PTP4A2: variants seen among roughly 807,000 people sequenced by gnomAD.
PTP4A2 encodes protein tyrosine phosphatase 4A2.
A neutral mutation model predicts 22.9 loss-of-function variants in PTP4A2; 2 were observed. The observed-to-expected ratio is 0.09, with a 90% confidence interval of 0.04 to 0.27. PTP4A2 has a LOEUF of 0.27. Ranked by LOEUF, PTP4A2 falls within the 10% of genes least tolerant of loss-of-function variation. The pLI is 1.00. For missense variants in PTP4A2, 103 were observed against 205.1 expected (o/e 0.50, Z 3.04); for synonymous variants, 68 against 69.1 (o/e 0.98, Z 0.08).
chr1:31,909,809 A>T (rs1236185641), intron 5 of PTP4A2, among the ~76,000 whole-genome samples: 2 of 152,230 alleles, frequency 1.3e-5, no homozygotes, highest in African/African-American at 4.8e-5. Context: ...GATACTCAAA[A>T]CAATATACTG....
Position 31,919,312 on chromosome 1 carries a change from A to G in PTP4A2, c.-247T>C. 1 of 279,606 alleles carries G rather than the reference A, an allele frequency of 3.6e-6. No homozygotes were observed. Among genetic ancestry groups the G allele is most frequent in the South Asian group, 4.2e-5 (1 of 24,032 alleles). The allele number at this position is 279,606 out of a possible 1,614,324, so 17.3% of individuals were successfully genotyped here. ...TTTGGGCCTCAATTTCTGCAGATGG[A>G]TACCTTCGGACTCCAAAAAATCCAA... On this transcript the variant is annotated 5_prime_UTR_variant, in exon 2 of 6. Transcript: ENST00000647444.
At chr1:31,910,155 G>A (rs1474203145) in intron 4 of PTP4A2, 43 bp from the exon 5 acceptor site, 1 of 1,511,570 alleles carries the variant, frequency 6.6e-7, no homozygotes, top group South Asian at 1.1e-5. Flanking sequence ...AAGTCTTGGA[G>A]TGAAAGGATT....
chr1:31,923,475 C>CA (rs1279898025), intron 1 of PTP4A2, among the ~76,000 whole-genome samples: 2 of 151,340 alleles, frequency 1.3e-5, no homozygotes, highest in Non-Finnish European at 2.9e-5. Flanking sequence ...GCTGGGACTA[C>CA]AGGCGCCCGC....
intron 1 of PTP4A2, chr1:31,921,873 T>C (rs1652172754): frequency 6.6e-6 from 1 of 152,172 alleles, no homozygotes; most frequent in Non-Finnish European, 1.5e-5. Context: ...AATTGCATAC[T>C]TGTGATTATA....
chr1:31,913,481 A>T (rs1223367604), intron 3 of PTP4A2, among the ~76,000 whole-genome samples: 3 of 152,112 alleles, frequency 2.0e-5, no homozygotes, highest in Non-Finnish European at 4.4e-5. Context: ...TTCTTTAAGG[A>T]ATCTCCACGC....
intron 5 of PTP4A2, 30 bp downstream of exon 5, chr1:31,910,008 T>C (rs1342879727): frequency 6.5e-7 from 1 of 1,545,892 alleles, no homozygotes; most frequent in Non-Finnish European, 8.9e-7. Flanking sequence ...TTGCTTTCTG[T>C]GTTTCTGAAC....
At chr1:31,928,890 G>A (rs931251847) in intron 1 of PTP4A2, among the ~76,000 whole-genome samples, 2 of 151,986 alleles carry the variant, frequency 1.3e-5, no homozygotes, top group Non-Finnish European at 2.9e-5. Context: ...AAGATACATG[G>A]CCAGCCACTC....
chr1:31,909,081 C>CCATA, intron 5 of PTP4A2, 121 bp from the exon 6 acceptor site: 2 of 716,040 alleles, frequency 2.8e-6, no homozygotes, highest in Non-Finnish European at 4.8e-6. Flanking sequence ...AGCATATTTC[C>CCATA]CATACTACAA....
intron 1 of PTP4A2, among the ~76,000 whole-genome samples, chr1:31,937,415 G>T (rs1652983502): frequency 1.3e-5 from 2 of 151,590 alleles, no homozygotes; most frequent in South Asian, 2.1e-4. Flanking sequence ...GTTCACTATC[G>T]CCACACACAA....
intron 1 of PTP4A2, among the ~76,000 whole-genome samples, chr1:31,935,438 G>A (rs1652892532): frequency 6.6e-6 from 1 of 152,184 alleles, no homozygotes; most frequent in Admixed American, 6.5e-5. Context: ...TAGCTGCTAG[G>A]CCATCACGTT....
chr1:31,916,941 T>C (rs1297522298), intron 2 of PTP4A2, among the ~76,000 whole-genome samples: 1 of 152,220 alleles, frequency 6.6e-6, no homozygotes, highest in Non-Finnish European at 1.5e-5. Flanking sequence ...CATGCTTTTT[T>C]TAAAGAAATA....
chr1:31,909,636 C>T (rs1651427226), intron 5 of PTP4A2, among the ~76,000 whole-genome samples: 1 of 151,190 alleles, frequency 6.6e-6, no homozygotes, highest in Non-Finnish European at 1.5e-5. Context: ...TGAGCCACTG[C>T]ACTCCAGCTT....
Position 31,919,124 on chromosome 1 carries a change from AAATC to A in PTP4A2, c.-63_-60del. 1 of 826,162 alleles carries A rather than the reference AAATC, an allele frequency of 1.2e-6. No individual in the cohort carries two copies. The highest frequency in any genetic ancestry group is 2.0e-6 in the Non-Finnish European group (1 of 492,492). The allele number at this position is 826,162 out of a possible 1,614,324, so 51.2% of individuals were successfully genotyped here. ...GTGTGATGGGGAAAGTGAAAAAAAA[AAATC>A]AATAAATCTTGAAATGTTTCACAGC... On this transcript the variant is annotated 5_prime_UTR_variant, in exon 2 of 6. It removes the in-frame stop codon of an upstream open reading frame in the 5' UTR. Transcript: ENST00000647444.
chr1:31,921,177 T>A (rs1652137178), intron 1 of PTP4A2, among the ~76,000 whole-genome samples: 1 of 152,208 alleles, frequency 6.6e-6, no homozygotes, highest in Admixed American at 6.5e-5. Context: ...CATTTCCCCT[T>A]TTCCTCACAA....
chr1:31,937,383 C>T (rs750809716), intron 1 of PTP4A2, among the ~76,000 whole-genome samples: 1 of 152,008 alleles, frequency 6.6e-6, no homozygotes, highest in Non-Finnish European at 1.5e-5. Flanking sequence ...CCGGAAAGAA[C>T]TCCCCAACCC....
chr1:31,926,135 T>TAA (rs138462840), intron 1 of PTP4A2, among the ~76,000 whole-genome samples: 1,663 of 120,536 alleles, frequency 0.014, 47 homozygotes, highest in African/African-American at 0.046. Context: ...TTCAAAAAAT[T>TAA]AAAAAAAAAA....
At position 31,908,903 on chromosome 1, in the gene PTP4A2, A is replaced by T; in HGVS notation, c.453T>A (p.Pro151=). 6.2e-7 allele frequency: 1 copy of T among 1,614,104 alleles called. No individual in the cohort carries two copies. The highest frequency in any genetic ancestry group is 8.5e-7 in the Non-Finnish European group (1 of 1,179,994). ...KQLLYLEKYR[P]KMRLRFRDTN... is the part of the protein sequence containing the mutation. ...TATCTCTGAAGCGTAATCGCATCTT[A>T]GGTCGGTATTTCTCCAAATAAAGCA... The change falls in exon 6 of 6, where the codon CCT becomes CCA. Residue 151 remains proline, a synonymous_variant. Transcript: ENST00000647444.
At chr1:31,937,924 G>C (rs1239248513) in intron 1 of PTP4A2, 63 bp downstream of exon 1, 1 of 149,342 alleles carries the variant, frequency 6.7e-6, no homozygotes, top group Admixed American at 6.6e-5. Context: ...GGCGCCTCCC[G>C]CCCTCCCCTT....
chr1:31,927,173 T>TA (rs1363753094), intron 1 of PTP4A2, among the ~76,000 whole-genome samples: 2 of 152,046 alleles, frequency 1.3e-5, no homozygotes, highest in South Asian at 2.1e-4. Flanking sequence ...CTCAAAGCCA[T>TA]AAAAAATAAT....
Sources: gnomAD v4.1 joint callset for allele counts (sites outside exome capture counted in the v4.1 genomes callset) on GRCh38, gnomAD v4.1.1 for gene constraint, MANE v1.5 for transcripts, NCBI Gene and HGNC (gene_info 2026-07-23, HGNC 2026-07-21) for gene names.